Variants in DSC2 observed in about 807,000 individuals in gnomAD.
The protein encoded by DSC2 is desmocollin-2.
Under a neutral mutation model 87.6 loss-of-function variants are expected in DSC2, and 51 were observed. The observed-to-expected ratio is 0.58, with a 90% CI of 0.46 to 0.74. The LOEUF is 0.74. Among genes scored for constraint, DSC2 ranks in the 30% least tolerant of loss-of-function variants. DSC2 has a pLI of 0.00. For synonymous variants in DSC2, 383 were observed against 393.2 expected, an observed-to-expected ratio of 0.97 and a Z score of 0.31; for missense variants, 1,066 against 1,089.5, an observed-to-expected ratio of 0.98 and a Z score of 0.30.
At position 31,093,610 on chromosome 18, in the gene DSC2, C is replaced by A; in HGVS notation, c.103G>T (p.Val35Leu). 6.3e-7 allele frequency: 1 copy of A among 1,599,498 alleles called. No individual in the cohort carries two copies. Among genetic ancestry groups the A allele is most frequent in the Middle Eastern group, 1.7e-4 (1 of 5,982 alleles). Residue 35 changes from valine to leucine, a missense_variant, in exon 2 of 16, where the codon GTG (valine) becomes TTG (leucine). Physicochemically the swap from Val to Leu is conservative, Grantham distance 32. Transcript: ENST00000280904. ...LIFASDACKNVTLHVPSKLDA... is the reference protein window; with the variant it reads ...LIFASDACKNLTLHVPSKLDA... ...AGTTTGGAGGGAACATGTAATGTCA[C>A]ATTTTTGCAGGCATCACTGGCAAAT...
At chr18:31,086,817 C>T in intron 6 of DSC2, 75 bp from the exon 7 acceptor site, 2 of 1,527,132 alleles carry the variant, frequency 1.3e-6, no homozygotes, top group South Asian at 1.2e-5. Context: ...TTCCTTTTCA[C>T]CCACCTCAAA....
chr18:31,080,371 T>C lies in DSC2; in HGVS notation c.1264-19A>G, dbSNP rs1402171898. ...TCAAAGGCTACGAAAGCAAATGTAT[T>C]GAAAAATCAGATGAACTCATTTAAT... On this transcript the variant is annotated intron_variant, in intron 9 of 15. Coordinates refer to ENST00000280904, the MANE Select transcript of DSC2 (RefSeq NM_024422.6). The C allele has an allele frequency of 3.7e-6, 6 of 1,612,632 alleles. No individual in the cohort carries two copies. Among genetic ancestry groups the C allele is most frequent in the Non-Finnish European group, 5.1e-6 (6 of 1,179,356 alleles).
Position 31,075,333 on chromosome 18 carries a change from T to C in DSC2, c.1664-426A>G, listed in dbSNP as rs116994783. ...GACATGGAAGCAGGAGCTAAGGGTCTTTGAAAGCCAGACTAGGGAGCTTAG... is the reference window on the plus strand; with the variant it reads ...GACATGGAAGCAGGAGCTAAGGGTCCTTGAAAGCCAGACTAGGGAGCTTAG... On this transcript the variant is annotated intron_variant, in intron 11 of 15. Transcript: ENST00000280904. 2.0e-4 allele frequency among the ~76,000 whole-genome samples: 31 copies of C among 152,296 alleles called. No homozygotes were observed. The East Asian group carries it at 6.0e-3, about 29-fold the overall frequency.
At chr18:31,084,268 A>C (rs1391473919) in intron 7 of DSC2, among the ~76,000 whole-genome samples, 1 of 152,184 alleles carries the variant, frequency 6.6e-6, no homozygotes, top group Non-Finnish European at 1.5e-5. Context: ...TCACATGTGT[A>C]GACTTGAAAA....
chr18:31,089,654 T>C (rs1271320859), intron 4 of DSC2, 60 bp from the exon 5 acceptor site: 12 of 1,516,492 alleles, frequency 7.9e-6, no homozygotes, highest in South Asian at 1.2e-5. Context: ...CTTTCATCTA[T>C]ATATTTATGA....
chr18:31,096,749 T>C (rs1200727051), intron 1 of DSC2, among the ~76,000 whole-genome samples: 4 of 152,086 alleles, frequency 2.6e-5, no homozygotes, highest in African/African-American at 9.7e-5. Flanking sequence ...GGGAAAACAC[T>C]AGAAGCAATC....
chr18:31,096,072 C>T (rs1053346856), intron 1 of DSC2, among the ~76,000 whole-genome samples: 2 of 151,932 alleles, frequency 1.3e-5, no homozygotes, highest in South Asian at 2.1e-4. Flanking sequence ...TTTTTCCTAA[C>T]GAGAATGAGA....
At position 31,093,599 on chromosome 18, in the gene DSC2, A is replaced by G; in HGVS notation, c.114T>C (p.His38=). The stretch of plus-strand genomic sequence containing the variant: ...TCTCGGCATCTAGTTTGGAGGGAAC[A>G]TGTAATGTCACATTTTTGCAGGCAT... ...ASDACKNVTL[H]VPSKLDAEKL... is the part of the protein sequence containing the mutation. The change falls in exon 2 of 16, where the codon CAT becomes CAC. Residue 38 remains histidine, a synonymous_variant. Transcript: ENST00000280904. 4 of 1,604,716 alleles carry G rather than the reference A, an allele frequency of 2.5e-6. No individual in the cohort carries two copies. Among genetic ancestry groups the G allele is most frequent in the Non-Finnish European group, 2.6e-6 (3 of 1,173,814 alleles).
Position 31,067,812 on chromosome 18 carries a change from T to C in DSC2, c.*203A>G. 1 of 567,872 alleles carries C rather than the reference T, an allele frequency of 1.8e-6. No homozygotes were observed. The highest frequency in any genetic ancestry group is 3.1e-6 in the Non-Finnish European group (1 of 322,164). The allele number at this position is 567,872 out of a possible 1,614,324, so 35.2% of individuals were successfully genotyped here. A position where few individuals can be genotyped will look rare whatever the true frequency, so the allele number is the denominator to read the frequency against. On this transcript the variant is annotated 3_prime_UTR_variant, in exon 16 of 16. Transcript: ENST00000280904. Reference sequence around the variant, plus strand: ...ACCTCCTTGGATAGAAGATAAGTAATTTAAAAATATGTAAAAATTGAAAAA... The same window carrying C: ...ACCTCCTTGGATAGAAGATAAGTAACTTAAAAATATGTAAAAATTGAAAAA...
chr18:31,101,767 T>G, intron 1 of DSC2, 136 bp downstream of exon 1: 5 of 215,910 alleles, frequency 2.3e-5, no homozygotes, highest in East Asian at 1.2e-4. Flanking sequence ...CCCCGCCAAC[T>G]CCATTTTCTA....
At chr18:31,101,832 T>C (rs1471950304) in intron 1 of DSC2, 71 bp downstream of exon 1, 2 of 1,074,186 alleles carry the variant, frequency 1.9e-6, no homozygotes, top group Non-Finnish European at 2.5e-6. Flanking sequence ...CCTATCCCCG[T>C]TCCCCTAGTT....
chr18:31,067,792 C>A lies in DSC2; in HGVS notation c.*223G>T. ...AGACTTTAATTTCTCTGTAGACCTCCTTGGATAGAAGATAAGTAATTTAAA... is the reference window on the plus strand; with the variant it reads ...AGACTTTAATTTCTCTGTAGACCTCATTGGATAGAAGATAAGTAATTTAAA... On this transcript the variant is annotated 3_prime_UTR_variant, in exon 16 of 16. Transcript: ENST00000280904. 1.9e-6 allele frequency: 1 copy of A among 516,258 alleles called. No homozygotes were observed. Among genetic ancestry groups the A allele is most frequent in the Non-Finnish European group, 3.5e-6 (1 of 289,438 alleles). The allele number at this position is 516,258 out of a possible 1,614,324, so 32.0% of individuals were successfully genotyped here.
chr18:31,079,683 G>C (rs1987138648), intron 11 of DSC2, among the ~76,000 whole-genome samples, 164 bp downstream of exon 11: 1 of 152,124 alleles, frequency 6.6e-6, no homozygotes, highest in Non-Finnish European at 1.5e-5. Flanking sequence ...CTATTAGAAA[G>C]CAGACATGAG....
At position 31,084,965 on chromosome 18, in the gene DSC2, A is replaced by G. The variant is rs145078944; in HGVS notation, c.942+1611T>C. ...TGAACCAATATTTTCCAAATGACCA[A>G]TGCACAATATAGAATGATGTACTGG... On this transcript the variant is annotated intron_variant, in intron 7 of 15. Coordinates refer to ENST00000280904, the MANE Select transcript of DSC2 (RefSeq NM_024422.6). Among the ~76,000 whole-genome samples the G allele has an allele frequency of 2.2e-3, 339 of 152,234 alleles. 1 individual carries two copies. The highest frequency in any genetic ancestry group is 7.6e-3 in the African/African-American group (318 of 41,582).
chr18:31,079,890 G>T lies in DSC2; in HGVS notation c.1620C>A (p.Ile540=), dbSNP rs765374888. ...CTGTAATATTATATATGCCATTTTTGATGGTCTCTGCCTCTCTATCCAGGC... is the reference window on the plus strand; with the variant it reads ...CTGTAATATTATATATGCCATTTTTTATGGTCTCTGCCTCTCTATCCAGGC... ...FRSLDREAET[I]KNGIYNITVL... Residue 540 remains isoleucine, a synonymous_variant, in exon 11 of 16, where the codon ATC becomes ATA. Transcript: ENST00000280904. 5 of 1,613,914 alleles carry T rather than the reference G, an allele frequency of 3.1e-6. No homozygotes were observed. Among genetic ancestry groups the T allele is most frequent in the Non-Finnish European group, 4.2e-6 (5 of 1,179,938 alleles).
chr18:31,101,127 G>C, intron 1 of DSC2: 1 of 954,262 alleles, frequency 1.0e-6, no homozygotes, highest in Non-Finnish European at 1.2e-6. Context: ...CGCCTCTGGG[G>C]ACAAGAAATC....
chr18:31,094,707 A>C (rs1789065), intron 1 of DSC2, among the ~76,000 whole-genome samples: 2 of 152,100 alleles, frequency 1.3e-5, no homozygotes, highest in Non-Finnish European at 2.9e-5. Flanking sequence ...TTAAAGACTT[A>C]AATTATCCAG....
At chr18:31,092,321 A>AT in intron 2 of DSC2, 21 bp from the exon 3 acceptor site, 1 of 1,598,732 alleles carries the variant, frequency 6.3e-7, no homozygotes, top group Non-Finnish European at 8.6e-7. Flanking sequence ...TATGCACAGC[A>AT]ATCATTTTTA....
intron 9 of DSC2, 148 bp from the exon 10 acceptor site, chr18:31,080,500 G>T: frequency 1.0e-6 from 1 of 997,154 alleles, no homozygotes; most frequent in Non-Finnish European, 1.5e-6. Flanking sequence ...CAGTGATATG[G>T]TTTGGCTCTG....
Sources: gnomAD v4.1 joint callset for allele counts (sites outside exome capture counted in the v4.1 genomes callset) on GRCh38, gnomAD v4.1.1 for gene constraint, MANE v1.5 for transcripts, NCBI Gene and HGNC (gene_info 2026-07-23, HGNC 2026-07-21) for gene names.